CCDC102B: variants seen among roughly 807,000 people sequenced by gnomAD.
CCDC102B encodes the protein coiled-coil domain containing 102B, also known as coiled-coil domain-containing protein 102B.
CCDC102B carries 75 observed loss-of-function variants against 57.4 expected under a neutral mutation model. That is an observed-to-expected ratio of 1.31 (90% CI 1.08 to 1.58). The LOEUF is 1.58. Ranked by LOEUF, CCDC102B falls within the 40% of genes most tolerant of loss-of-function variation. The pLI is 0.00. For synonymous variants in CCDC102B, 206 were observed against 201.9 expected, an observed-to-expected ratio of 1.02 and a Z score of -0.17; for missense variants, 636 against 582.6, an observed-to-expected ratio of 1.09 and a Z score of -0.94.
chr18:68,874,296 TA>T (rs2039356893), intron 4 of CCDC102B, among the ~76,000 whole-genome samples: 1 of 151,512 alleles, frequency 6.6e-6, no homozygotes, highest in South Asian at 2.1e-4. Flanking sequence ...AAAATAGACA[TA>T]AAAAGGATTA....
chr18:68,749,073 A>G (rs533689940), intron 2 of CCDC102B, among the ~76,000 whole-genome samples: 1 of 152,298 alleles, frequency 6.6e-6, no homozygotes, highest in East Asian at 1.9e-4. Flanking sequence ...TTTGTCAAAG[A>G]TCACATGGTT....
chr18:68,852,093 G>A (rs570231927), intron 4 of CCDC102B, among the ~76,000 whole-genome samples: 5 of 151,658 alleles, frequency 3.3e-5, no homozygotes, highest in African/African-American at 9.7e-5. Context: ...GGACCAGGTC[G>A]CCTGCCTTCT....
chr18:69,000,170 G>T (rs975130432), intron 6 of CCDC102B, among the ~76,000 whole-genome samples: 2 of 152,006 alleles, frequency 1.3e-5, no homozygotes, highest in East Asian at 1.9e-4. Context: ...ATAGTAATTA[G>T]CTATGTATAA....
intron 2 of CCDC102B, among the ~76,000 whole-genome samples, chr18:68,768,295 C>G (rs1042701349): frequency 2.0e-5 from 3 of 152,202 alleles, no homozygotes; most frequent in African/African-American, 7.2e-5. Flanking sequence ...CTAATGATAG[C>G]CTTTTCCAGG....
rs1568292459 is a variant in CCDC102B at position 68,857,237 on chromosome 18, TAAATATATATTTATTATTTAAA to T, written c.936+10817_936+10838del. 2.8e-3 allele frequency among the ~76,000 whole-genome samples: 227 copies of T among 82,148 alleles called. 4 individuals carry two copies. Among genetic ancestry groups the T allele is most frequent in the Non-Finnish European group, 3.8e-3 (164 of 42,730 alleles). The allele number at this position is 82,148 out of a possible 152,430, so 53.9% of individuals were successfully genotyped here. On this transcript the variant is annotated intron_variant, in intron 4 of 7. Coordinates refer to ENST00000360242, the MANE Select transcript of CCDC102B (RefSeq NM_024781.3). The stretch of plus-strand genomic sequence containing the variant: ...AAATATATTTATATATTTTTATATA[TAAATATATATTTATTATTTAAA>T]TATATAAATATATATATAATATATA...
chr18:68,821,032 G>A (rs2036670665), intron 1 of CCDC102B, among the ~76,000 whole-genome samples: 1 of 152,016 alleles, frequency 6.6e-6, no homozygotes, highest in African/African-American at 2.4e-5. Context: ...TAATTCATGT[G>A]GTTAGAATGT....
intron 2 of CCDC102B, among the ~76,000 whole-genome samples, chr18:68,722,304 G>A (rs897061589): frequency 2.0e-5 from 3 of 152,190 alleles, no homozygotes; most frequent in Non-Finnish European, 4.4e-5. Flanking sequence ...CTCTTCCCTT[G>A]TCGTTAAATG....
At chr18:68,919,869 C>T (rs1359418072) in intron 6 of CCDC102B, among the ~76,000 whole-genome samples, 11 of 151,982 alleles carry the variant, frequency 7.2e-5, no homozygotes, top group Admixed American at 6.6e-4. Flanking sequence ...TTTTTAATAA[C>T]CCAGTCATAA....
chr18:68,908,936 A>G (rs893246779), intron 6 of CCDC102B, among the ~76,000 whole-genome samples: 1 of 152,146 alleles, frequency 6.6e-6, no homozygotes, highest in African/African-American at 2.4e-5. Flanking sequence ...ACTGATCCAG[A>G]TCAATTTTTA....
chr18:68,934,340 T>G (rs1478431803), intron 6 of CCDC102B, among the ~76,000 whole-genome samples: 1 of 151,966 alleles, frequency 6.6e-6, no homozygotes, highest in Non-Finnish European at 1.5e-5. Flanking sequence ...CAAGTGAATA[T>G]CTCTTTGATA....
chr18:68,969,480 T>C (rs993207546), intron 6 of CCDC102B, among the ~76,000 whole-genome samples: 2 of 119,106 alleles, frequency 1.7e-5, no homozygotes, highest in Non-Finnish European at 4.1e-5. Flanking sequence ...CTTTTAATCT[T>C]TTTTTTTTTT....
intron 6 of CCDC102B, among the ~76,000 whole-genome samples, chr18:68,924,829 G>C (rs895291848): frequency 6.6e-6 from 1 of 152,096 alleles, no homozygotes; most frequent in Non-Finnish European, 1.5e-5. Context: ...GATTAGCTGA[G>C]TTGTACAAAC....
chr18:69,007,241 A>G (rs2051375496), intron 6 of CCDC102B, among the ~76,000 whole-genome samples: 1 of 152,184 alleles, frequency 6.6e-6, no homozygotes, highest in South Asian at 2.1e-4. Context: ...CACTCTATGA[A>G]CACAGTTAGA....
At chr18:68,789,820 TCTC>T in intron 2 of CCDC102B, among the ~76,000 whole-genome samples, 1 of 151,044 alleles carries the variant, frequency 6.6e-6, no homozygotes, top group East Asian at 1.9e-4. Context: ...GAAGCCTTCT[TCTC>T]TCAGCTCGTC....
intron 6 of CCDC102B, among the ~76,000 whole-genome samples, chr18:68,923,640 A>G (rs1165264643): frequency 1.3e-5 from 2 of 152,134 alleles, no homozygotes; most frequent in African/African-American, 4.8e-5. Flanking sequence ...ACACAGGTTC[A>G]CACTAAAGAG....
chr18:69,021,428 G>C (rs1213401461), intron 7 of CCDC102B, among the ~76,000 whole-genome samples: 1 of 152,140 alleles, frequency 6.6e-6, no homozygotes, highest in Non-Finnish European at 1.5e-5. Flanking sequence ...AGTTTCTAAT[G>C]AGATCATCAC....
chr18:68,791,529 G>GT (rs11340167), intron 2 of CCDC102B, among the ~76,000 whole-genome samples: 1 of 151,732 alleles, frequency 6.6e-6, no homozygotes, highest in African/African-American at 2.4e-5. Context: ...TTGTAACAAT[G>GT]TTTTTTTTTG....
intron 1 of CCDC102B, among the ~76,000 whole-genome samples, chr18:68,812,855 A>G (rs1230379021): frequency 2.0e-5 from 3 of 152,184 alleles, no homozygotes; most frequent in Non-Finnish European, 4.4e-5. Context: ...TGGTAATCCA[A>G]GGCAAAAAGC....
chr18:68,838,670 G>T (rs771754728), intron 2 of CCDC102B, 36 bp from the exon 3 acceptor site: 1 of 1,589,514 alleles, frequency 6.3e-7, no homozygotes. Context: ...TTTTCTCCAG[G>T]AGGTTTAAAT....
Sources: allele counts gnomAD v4.1 joint callset (sites outside exome capture counted in the v4.1 genomes callset), GRCh38; gene constraint gnomAD v4.1.1; transcripts MANE v1.5; gene names NCBI Gene and HGNC (gene_info 2026-07-23, HGNC 2026-07-21).